Variants in TUSC3 observed in about 807,000 individuals in gnomAD.
TUSC3 encodes dolichyl-diphosphooligosaccharide--protein glycosyltransferase subunit TUSC3.
In TUSC3, 45 loss-of-function variants were observed where a neutral mutation model predicts 44.8. The ratio of observed to expected loss-of-function variants is 1.00; its 90% confidence interval spans 0.79 to 1.29. TUSC3 has a LOEUF of 1.29. TUSC3 is among the 50% of genes most tolerant of loss of function. The pLI is 0.00. For synonymous variants in TUSC3, 212 were observed against 152.9 expected, an observed-to-expected ratio of 1.39 and a Z score of -2.85; for missense variants, 519 against 437.9, an observed-to-expected ratio of 1.19 and a Z score of -1.65.
intron 7 of TUSC3, among the ~76,000 whole-genome samples, chr8:15,736,460 T>G (rs1339285246): frequency 1.3e-5 from 2 of 152,314 alleles, no homozygotes; most frequent in Non-Finnish European, 1.5e-5. Context: ...GTAGAGAATT[T>G]GAACTGTGGT....
At chr8:15,748,226 C>G (rs907218934) in intron 8 of TUSC3, 149 bp from the exon 9 acceptor site, 3 of 681,506 alleles carry the variant, frequency 4.4e-6, no homozygotes, top group African/African-American at 1.8e-5. Flanking sequence ...CATTGGATAC[C>G]TGTATCCAAA....
At chr8:15,443,595 A>G (rs1011711669) in intron 1 of TUSC3, among the ~76,000 whole-genome samples, 5 of 152,150 alleles carry the variant, frequency 3.3e-5, no homozygotes, top group African/African-American at 1.2e-4. Context: ...TGTAGGCTGA[A>G]CTAGCTTTGG....
the TUSC3 span, among the ~76,000 whole-genome samples, chr8:15,772,090 A>G: frequency 4.0e-3 from 615 of 152,120 alleles, 3 homozygotes; most frequent in Middle Eastern, 0.017. Context: ...CTCCGTCTCA[A>G]AAAGAAAAAA....
chr8:15,775,202 A>G, the TUSC3 span, among the ~76,000 whole-genome samples: 1 of 152,174 alleles, frequency 6.6e-6, no homozygotes, highest in Non-Finnish European at 1.5e-5. Context: ...AAGATGCCAG[A>G]TACGAAAAGC....
chr8:15,471,051 T>TA (rs755336621), intron 1 of TUSC3, among the ~76,000 whole-genome samples: 31 of 152,216 alleles, frequency 2.0e-4, no homozygotes, highest in Non-Finnish European at 3.5e-4. Flanking sequence ...AAGGATGCAG[T>TA]AAAAAAGTGC....
At chr8:15,544,971 T>C (rs1801814743) in intron 1 of TUSC3, among the ~76,000 whole-genome samples, 1 of 151,860 alleles carries the variant, frequency 6.6e-6, no homozygotes, top group Non-Finnish European at 1.5e-5. Context: ...GATAGTTTAT[T>C]ATAGCAATAG....
At chr8:15,674,632 A>G (rs1418967247) in intron 6 of TUSC3, among the ~76,000 whole-genome samples, 1 of 151,834 alleles carries the variant, frequency 6.6e-6, no homozygotes, top group Non-Finnish European at 1.5e-5. Context: ...TAATAAAATA[A>G]TTATTATTAC....
chr8:15,744,427 T>C (rs550197938), intron 8 of TUSC3, among the ~76,000 whole-genome samples: 1 of 152,288 alleles, frequency 6.6e-6, no homozygotes, highest in East Asian at 1.9e-4. Context: ...ACAGACCTGT[T>C]ATTTTTTTCT....
At chr8:15,418,725 G>T (rs1405467057) in intron 1 of TUSC3, among the ~76,000 whole-genome samples, 1 of 152,164 alleles carries the variant, frequency 6.6e-6, no homozygotes, top group Non-Finnish European at 1.5e-5. Flanking sequence ...TAAAGATTAG[G>T]CCAGGCACAG....
intron 2 of TUSC3, among the ~76,000 whole-genome samples, chr8:15,630,409 G>A (rs751846416): frequency 6.6e-6 from 1 of 152,034 alleles, no homozygotes; most frequent in Admixed American, 6.6e-5. Context: ...TGTTTATTAT[G>A]TGTAAACTAT....
Position 15,544,415 on chromosome 8 carries a change from C to G in TUSC3, c.138+3847C>G, listed in dbSNP as rs116414465. Among the ~76,000 whole-genome samples, 505 of 151,730 alleles carry G rather than the reference C, an allele frequency of 3.3e-3. 6 individuals are homozygous for G. The highest frequency in any genetic ancestry group is 0.011 in the African/African-American group (448 of 41,474). Reference sequence around the variant, plus strand: ...GCAGCTGTTATAATAATTAATTTATCTTATCTGCAATGAATGTGAGTAGCT... The same window carrying G: ...GCAGCTGTTATAATAATTAATTTATGTTATCTGCAATGAATGTGAGTAGCT... On this transcript the variant is annotated intron_variant, in intron 1 of 10. Coordinates refer to ENST00000503731, the MANE Select transcript of TUSC3 (RefSeq NM_006765.4).
At chr8:15,529,791 T>TC (rs1253864963) in intron 2 of TUSC3, among the ~76,000 whole-genome samples, 1 of 138,622 alleles carries the variant, frequency 7.2e-6, no homozygotes, top group Non-Finnish European at 1.5e-5. Context: ...TGAAAAAGTT[T>TC]TTTTTTTTTT....
chr8:15,648,997 G>C (rs1806763242), intron 2 of TUSC3, among the ~76,000 whole-genome samples: 1 of 152,016 alleles, frequency 6.6e-6, no homozygotes, highest in South Asian at 2.1e-4. Flanking sequence ...CCATGAAACA[G>C]TAACAGGCTA....
chr8:15,477,901 A>T (rs949627322), intron 1 of TUSC3, among the ~76,000 whole-genome samples: 2 of 151,924 alleles, frequency 1.3e-5, no homozygotes, highest in Non-Finnish European at 2.9e-5. Flanking sequence ...GCTCCATAAC[A>T]CTACACAAAC....
intron 2 of TUSC3, among the ~76,000 whole-genome samples, chr8:15,502,041 C>T (rs1800973431): frequency 6.6e-6 from 1 of 152,080 alleles, no homozygotes; most frequent in Non-Finnish European, 1.5e-5. Context: ...CTATTGGTTT[C>T]CTTTATACAA....
chr8:15,638,874 C>G (rs533771183), intron 2 of TUSC3, among the ~76,000 whole-genome samples: 2 of 152,188 alleles, frequency 1.3e-5, no homozygotes, highest in African/African-American at 2.4e-5. Flanking sequence ...TGTGTTGATG[C>G]TAGATCACGT....
chr8:15,499,607 T>A (rs1268989354), intron 2 of TUSC3, among the ~76,000 whole-genome samples: 1 of 152,202 alleles, frequency 6.6e-6, no homozygotes, highest in East Asian at 1.9e-4. Context: ...ATTCTTGGTA[T>A]GATGGTTAAT....
rs1803884552 is a variant in TUSC3 at position 15,592,505 on chromosome 8, G to A, written c.139-30575G>A. Among the ~76,000 whole-genome samples the A allele has an allele frequency of 2.0e-5, 3 of 152,068 alleles. No individual in the cohort carries two copies. In the South Asian group the frequency reaches 6.2e-4, roughly 32 times the overall value. On this transcript the variant is annotated intron_variant, in intron 1 of 10. Coordinates refer to ENST00000503731, the MANE Select transcript of TUSC3 (RefSeq NM_006765.4). The stretch of plus-strand genomic sequence containing the variant: ...AAGTGAGTTCTCATTGTTGGTTCAT[G>A]TGAGAGCTGGTTGTTTAAAGGAGCC...
At chr8:15,453,120 A>G (rs1291604732) in intron 1 of TUSC3, among the ~76,000 whole-genome samples, 1 of 152,134 alleles carries the variant, frequency 6.6e-6, no homozygotes, top group African/African-American at 2.4e-5. Context: ...AGTTTCATCC[A>G]TGGTGCTTTT....
Sources: gnomAD v4.1 joint callset for allele counts (sites outside exome capture counted in the v4.1 genomes callset) on GRCh38, gnomAD v4.1.1 for gene constraint, MANE v1.5 for transcripts, NCBI Gene and HGNC (gene_info 2026-07-23, HGNC 2026-07-21) for gene names.